The following MTMR6 variants were observed in gnomAD, a reference collection of about 807,000 sequenced individuals.
MTMR6 encodes myotubularin related protein 6, also known as phosphatidylinositol-3,5-bisphosphate 3-phosphatase MTMR6.
MTMR6 carries 47 observed loss-of-function variants against 80.1 expected under a neutral mutation model. That is an observed-to-expected ratio of 0.59 (90% CI 0.46 to 0.75). MTMR6 has a LOEUF of 0.75. MTMR6 is among the 30% of genes least tolerant of loss of function. MTMR6 has a pLI of 0.00. For missense variants in MTMR6, 629 were observed against 730.9 expected, an observed-to-expected ratio of 0.86 and a Z score of 1.61; for synonymous variants, 254 against 253.0, an observed-to-expected ratio of 1.00 and a Z score of -0.04.
intron 1 of MTMR6, among the ~76,000 whole-genome samples, chr13:25,277,058 T>G (rs1238206903): frequency 6.6e-6 from 1 of 152,234 alleles, no homozygotes; most frequent in Non-Finnish European, 1.5e-5. Flanking sequence ...TAGATGTGTT[T>G]GAGCCGTGTT....
In MTMR6 at chr13:25,272,613, T is replaced by C. The variant is rs73464625; in HGVS notation, c.141+1458A>G. On this transcript the variant is annotated intron_variant, in intron 2 of 13. Coordinates refer to ENST00000381801, the MANE Select transcript of MTMR6 (RefSeq NM_004685.5). ...TCTACTTCCCTCCCTCCCACCTCTATTAGTCTATTAATGTCTATTGTTCCC... is the reference window on the plus strand; with the variant it reads ...TCTACTTCCCTCCCTCCCACCTCTACTAGTCTATTAATGTCTATTGTTCCC... Among the ~76,000 whole-genome samples the C allele has an allele frequency of 6.9e-3, 1,057 of 152,246 alleles. 13 individuals carry two copies. Among genetic ancestry groups the C allele is most frequent in the African/African-American group, 0.024 (980 of 41,536 alleles).
At chr13:25,279,194 C>T (rs571947051) in intron 1 of MTMR6, among the ~76,000 whole-genome samples, 1 of 152,130 alleles carries the variant, frequency 6.6e-6, no homozygotes, top group Non-Finnish European at 1.5e-5. Context: ...CCCATGTGTG[C>T]AGGAAGTGAC....
intron 1 of MTMR6, 100 bp from the exon 2 acceptor site, chr13:25,274,287 T>G: frequency 3.0e-6 from 2 of 666,852 alleles, no homozygotes; most frequent in Non-Finnish European, 5.0e-6. Flanking sequence ...TTTTTCTTCC[T>G]CCTAAAATCA....
At chr13:25,282,114 T>C (rs910717018) in intron 1 of MTMR6, among the ~76,000 whole-genome samples, 9 of 152,108 alleles carry the variant, frequency 5.9e-5, no homozygotes, top group Non-Finnish European at 1.2e-4. Flanking sequence ...CAACCAGGCA[T>C]GCCCTCAAAG....
Position 25,275,350 on chromosome 13 carries a change from C to T in MTMR6, c.25-1163G>A, listed in dbSNP as rs184915809. Among the ~76,000 whole-genome samples the T allele has an allele frequency of 5.4e-4, 82 of 151,618 alleles. 1 individual carries two copies. The highest frequency in any genetic ancestry group is 1.8e-3 in the African/African-American group (74 of 41,312). The stretch of plus-strand genomic sequence containing the variant: ...GGCAGGAGAATTGCTTGAACCCAGA[C>T]GGTGGAGGTTGCAGTGAGCCAAGAT... On this transcript the variant is annotated intron_variant, in intron 1 of 13. Transcript: ENST00000381801.
intron 2 of MTMR6, among the ~76,000 whole-genome samples, chr13:25,268,980 A>G (rs1365604316): frequency 6.6e-6 from 1 of 152,160 alleles, no homozygotes; most frequent in African/African-American, 2.4e-5. Context: ...AGTTGTGGAC[A>G]TGTCCCAATA....
intron 9 of MTMR6, among the ~76,000 whole-genome samples, chr13:25,256,971 C>G (rs1957222127): frequency 6.6e-6 from 1 of 152,184 alleles, no homozygotes; most frequent in African/African-American, 2.4e-5. Flanking sequence ...CTCGACAGTA[C>G]TGACATTACA....
In MTMR6 at chr13:25,249,032, G is replaced by A. The variant is rs1566032968; in HGVS notation, c.*200C>T. ...AATACCACTCATTTCTTACAGAACT[G>A]AATGTCATTCCTTGCTGGAAATGCA... On this transcript the variant is annotated 3_prime_UTR_variant, in exon 14 of 14. Transcript: ENST00000381801. The A allele has an allele frequency of 1.7e-6, 1 of 590,706 alleles. No homozygotes were observed. Among genetic ancestry groups the A allele is most frequent in the Non-Finnish European group, 2.9e-6 (1 of 344,848 alleles). The allele number at this position is 590,706 out of a possible 1,614,324, so 36.6% of individuals were successfully genotyped here. A position where few individuals can be genotyped will look rare whatever the true frequency, so the allele number is the denominator to read the frequency against.
intron 3 of MTMR6, 140 bp downstream of exon 3, chr13:25,267,639 A>G (rs1957487308): frequency 4.0e-6 from 3 of 759,038 alleles, no homozygotes; most frequent in Non-Finnish European, 6.1e-6. Context: ...TTTCAGGCCA[A>G]TATGGGGGAG....
At chr13:25,280,099 C>T (rs992700048) in intron 1 of MTMR6, among the ~76,000 whole-genome samples, 6 of 151,950 alleles carry the variant, frequency 3.9e-5, no homozygotes, top group Non-Finnish European at 5.9e-5. Flanking sequence ...AAACTGATAA[C>T]GGAAGGAAGA....
At chr13:25,270,606 A>G (rs560272512) in intron 2 of MTMR6, among the ~76,000 whole-genome samples, 27 of 152,316 alleles carry the variant, frequency 1.8e-4, no homozygotes, top group African/African-American at 6.3e-4. Context: ...ATGACTAATT[A>G]TTTCAGAAGG....
chr13:25,287,132 G>C, intron 1 of MTMR6, 92 bp downstream of exon 1: 1 of 1,515,650 alleles, frequency 6.6e-7, no homozygotes, highest in Non-Finnish European at 8.9e-7. Flanking sequence ...CCGGCTCCCA[G>C]CCCCAGTCAG....
At chr13:25,274,257 T>G in intron 1 of MTMR6, 70 bp from the exon 2 acceptor site, 1 of 966,984 alleles carries the variant, frequency 1.0e-6, no homozygotes, top group Non-Finnish European at 1.6e-6. Flanking sequence ...AGCCCAGGAC[T>G]TACATGCAAC....
intron 7 of MTMR6, 116 bp downstream of exon 7, chr13:25,258,444 T>C (rs1042575041): frequency 8.8e-6 from 7 of 796,050 alleles, no homozygotes; most frequent in Middle Eastern, 2.9e-4. Context: ...TAAAATTAAT[T>C]TCACTTGTTT....
chr13:25,257,990 C>A, intron 7 of MTMR6, 145 bp from the exon 8 acceptor site: 1 of 496,226 alleles, frequency 2.0e-6, no homozygotes, highest in Non-Finnish European at 3.4e-6. Flanking sequence ...CTATTAAAAG[C>A]TCAATAACTG....
chr13:25,257,417 G>T, intron 8 of MTMR6, 96 bp from the exon 9 acceptor site: 4 of 1,382,302 alleles, frequency 2.9e-6, no homozygotes, highest in Non-Finnish European at 2.9e-6. Context: ...TTACAAGGAA[G>T]TGCTATGCCT....
chr13:25,264,688 G>A (rs1957413423), intron 5 of MTMR6, among the ~76,000 whole-genome samples: 2 of 148,810 alleles, frequency 1.3e-5, no homozygotes, highest in African/African-American at 2.5e-5. Flanking sequence ...CCGGGAGGTG[G>A]AGGTTGCTGT....
At position 25,259,791 on chromosome 13, in the gene MTMR6, TATGAG is replaced by T. The variant is rs540237657; in HGVS notation, c.727-1104_727-1100del. On this transcript the variant is annotated intron_variant, in intron 6 of 13. Coordinates refer to ENST00000381801, the MANE Select transcript of MTMR6 (RefSeq NM_004685.5). ...CAAAAAAGTGTTCCAGAATTTTTCTTATGAGATATCACCAACACTCTCAACTCCTA... is the reference window on the plus strand; with the variant it reads ...CAAAAAAGTGTTCCAGAATTTTTCTTATATCACCAACACTCTCAACTCCTA... Among the ~76,000 whole-genome samples the T allele has an allele frequency of 4.3e-3, 650 of 152,284 alleles. 12 individuals are homozygous for T. The highest frequency in any genetic ancestry group is 0.015 in the African/African-American group (619 of 41,570).
chr13:25,252,690 C>T (rs1235912112), intron 11 of MTMR6, among the ~76,000 whole-genome samples: 2 of 151,952 alleles, frequency 1.3e-5, no homozygotes, highest in Non-Finnish European at 2.9e-5. Flanking sequence ...GAATGTTTGG[C>T]ACTAATTAAG....
Sources: allele counts gnomAD v4.1 joint callset (sites outside exome capture counted in the v4.1 genomes callset), GRCh38; gene constraint gnomAD v4.1.1; transcripts MANE v1.5; gene names NCBI Gene and HGNC (gene_info 2026-07-23, HGNC 2026-07-21).